Variants in ACO1 observed in about 807,000 individuals in gnomAD.
ACO1 encodes the protein cytoplasmic aconitate hydratase.
ACO1 carries 78 observed loss-of-function variants against 105.1 expected under a neutral mutation model. The observed-to-expected ratio is 0.74, with a 90% CI of 0.62 to 0.90. The LOEUF is 0.90. ACO1 is among the 40% of genes least tolerant of loss of function. The pLI is 0.00. For synonymous variants in ACO1, 364 were observed against 397.4 expected, an observed-to-expected ratio of 0.92 and a Z score of 1.00; for missense variants, 965 against 1,111.1, an observed-to-expected ratio of 0.87 and a Z score of 1.87.
chr9:32,447,917 G>A (rs1043972158), intron 19 of ACO1, among the ~76,000 whole-genome samples: 43 of 152,200 alleles, frequency 2.8e-4, no homozygotes, highest in African/African-American at 9.2e-4. Context: ...AGCAACGATT[G>A]CTGCCTCTTC....
chr9:32,444,368 T>C (rs1822551921), intron 19 of ACO1, among the ~76,000 whole-genome samples: 1 of 152,208 alleles, frequency 6.6e-6, no homozygotes. Context: ...TCAAATGGTA[T>C]TTCTGGTTCT....
At chr9:32,436,418 C>T (rs755496389) in intron 18 of ACO1, 21 bp downstream of exon 18, 64 of 1,610,300 alleles carry the variant, frequency 4.0e-5, no homozygotes, top group South Asian at 2.0e-4. Context: ...TCTTCTGCTT[C>T]CTGCAGACAC....
At position 32,400,531 on chromosome 9, in the gene ACO1, A is replaced by G. The variant is rs188226795; in HGVS notation, c.-22-4954A>G. Among the ~76,000 whole-genome samples, 24 of 152,294 alleles carry G rather than the reference A, an allele frequency of 1.6e-4. 1 individual carries two copies. In the South Asian group the frequency reaches 5.0e-3, roughly 32 times the overall value. On this transcript the variant is annotated intron_variant, in intron 1 of 20. Coordinates refer to ENST00000309951, the MANE Select transcript of ACO1 (RefSeq NM_002197.3). ...ATCAAAGGACATATTGAGGGGAGCA[A>G]AGTGGACTTTATCTGGAGTTATAGT...
intron 3 of ACO1, 122 bp from the exon 4 acceptor site, chr9:32,408,392 C>T: frequency 9.0e-7 from 1 of 1,105,292 alleles, no homozygotes; most frequent in South Asian, 1.6e-5. Flanking sequence ...TAAGTCTCAC[C>T]CATTGTTAGC....
chr9:32,409,687 C>A (rs1487934795), intron 4 of ACO1, among the ~76,000 whole-genome samples: 2 of 152,006 alleles, frequency 1.3e-5, no homozygotes, highest in African/African-American at 4.8e-5. Context: ...CATATCTCTA[C>A]AAATAACTTT....
intron 17 of ACO1, chr9:32,435,937 T>C: frequency 2.0e-6 from 1 of 499,106 alleles, no homozygotes; most frequent in South Asian, 1.6e-5. Flanking sequence ...TATATGAAGC[T>C]TTATAGGCTA....
rs559939992 is a variant in ACO1, at chr9:32,427,529, C to G, written c.1484+93C>G. 1.5e-5 allele frequency: 22 copies of G among 1,496,828 alleles called. No individual in the cohort carries two copies. In the Admixed American group the frequency reaches 3.6e-4, roughly 25 times the overall value. 92.7% of individuals were successfully genotyped at this position (1,496,828 alleles called of 1,614,324 possible). The stretch of plus-strand genomic sequence containing the variant: ...CACCTTGTAACAGATGTGAGATTAT[C>G]TGATGATATCTAATTGCATAGTCGT... On this transcript the variant is annotated intron_variant, in intron 12 of 20. Coordinates refer to ENST00000309951, the MANE Select transcript of ACO1 (RefSeq NM_002197.3).
chr9:32,449,269 T>TTTA (rs150745518), intron 20 of ACO1, among the ~76,000 whole-genome samples, 188 bp downstream of exon 20: 6,466 of 152,208 alleles, frequency 0.042, 426 homozygotes, highest in African/African-American at 0.14. Context: ...TGCCTATGGA[T>TTTA]TTAATTTCTC....
intron 4 of ACO1, among the ~76,000 whole-genome samples, chr9:32,409,860 T>C (rs1378362269): frequency 1.3e-5 from 2 of 152,080 alleles, no homozygotes; most frequent in Non-Finnish European, 2.9e-5. Flanking sequence ...TAAAATGTGT[T>C]ACAAAGAAGA....
At chr9:32,413,098 A>G (rs1425009714) in intron 4 of ACO1, among the ~76,000 whole-genome samples, 4 of 151,966 alleles carry the variant, frequency 2.6e-5, no homozygotes, top group African/African-American at 9.7e-5. Context: ...CATTTACACC[A>G]TGTACTGAAA....
chr9:32,405,388 A>T (rs1821587218), intron 1 of ACO1, 97 bp from the exon 2 acceptor site: 2 of 687,446 alleles, frequency 2.9e-6, no homozygotes, highest in Admixed American at 5.6e-5. Flanking sequence ...AACAATACTA[A>T]AAGAAACATA....
At position 32,454,750 on chromosome 9, in the gene ACO1, T is replaced by C. The variant is rs1822842419; in HGVS notation, c.*4639T>C. 1 of 152,026 alleles carries C rather than the reference T, an allele frequency of 6.6e-6. No individual in the cohort carries two copies. Among genetic ancestry groups the C allele is most frequent in the Non-Finnish European group, 1.5e-5 (1 of 68,020 alleles). 9.4% of individuals were successfully genotyped at this position (152,026 alleles called of 1,614,324 possible). A position where few individuals can be genotyped will look rare whatever the true frequency, so the allele number is the denominator to read the frequency against. ...CATGCCTGGCAATGACATTATTCCA[T>C]TAAAAGTCAAACAAGGAAATGCTAA... On this transcript the variant is annotated 3_prime_UTR_variant, in exon 21 of 21. Coordinates refer to ENST00000309951, the MANE Select transcript of ACO1 (RefSeq NM_002197.3).
intron 12 of ACO1, among the ~76,000 whole-genome samples, chr9:32,428,711 G>A (rs1822156730): frequency 6.6e-6 from 1 of 152,118 alleles, no homozygotes; most frequent in Non-Finnish European, 1.5e-5. Context: ...GGGCGTGGTG[G>A]CGGGCACCTG....
intron 19 of ACO1, among the ~76,000 whole-genome samples, chr9:32,446,565 G>C (rs1315465944): frequency 1.3e-5 from 2 of 152,066 alleles, no homozygotes; most frequent in Non-Finnish European, 2.9e-5. Context: ...TCTTTTAATT[G>C]GGGCATTTAG....
chr9:32,420,932 A>T lies in ACO1; in HGVS notation c.875A>T (p.Asp292Val). 6.2e-7 allele frequency: 1 copy of T among 1,614,066 alleles called. No individual in the cohort carries two copies. The highest frequency in any genetic ancestry group is 8.5e-7 in the Non-Finnish European group (1 of 1,179,974). The change falls in exon 8 of 21, where the codon GAC becomes GTC. Residue 292 changes from aspartate to valine, a missense_variant. Physicochemically the swap from Asp to Val is radical, Grantham distance 152. Transcript: ENST00000309951. ...GGAGTAGCCCAGTTGTCCATTGCTG[A>T]CCGAGCTACGATTGCTAACATGTGT... ...GPGVAQLSIA[D>V]RATIANMCPE...
At chr9:32,400,070 A>G (rs1480124032) in intron 1 of ACO1, among the ~76,000 whole-genome samples, 1 of 139,698 alleles carries the variant, frequency 7.2e-6, no homozygotes, top group Non-Finnish European at 1.5e-5. Context: ...TGCTGGGTTC[A>G]AATAATTCTC....
chr9:32,428,450 A>T (rs1476903917), intron 12 of ACO1, among the ~76,000 whole-genome samples: 1 of 151,938 alleles, frequency 6.6e-6, no homozygotes, highest in East Asian at 1.9e-4. Flanking sequence ...GCCTCCTGGA[A>T]TACTTCCTGA....
At chr9:32,395,648 CAG>C (rs889195828) in intron 1 of ACO1, among the ~76,000 whole-genome samples, 3 of 152,158 alleles carry the variant, frequency 2.0e-5, no homozygotes, top group African/African-American at 7.2e-5. Flanking sequence ...AGGTCAGGCT[CAG>C]GGCCGGGTCA....
At position 32,450,148 on chromosome 9, in the gene ACO1, C is replaced by T. The variant is rs550451413; in HGVS notation, c.*37C>T. 32 of 1,544,414 alleles carry T rather than the reference C, an allele frequency of 2.1e-5. No individual in the cohort carries two copies. Among genetic ancestry groups the T allele is most frequent in the African/African-American group, 8.2e-5 (6 of 73,472 alleles). On this transcript the variant is annotated 3_prime_UTR_variant, in exon 21 of 21. Coordinates refer to ENST00000309951, the MANE Select transcript of ACO1 (RefSeq NM_002197.3). ...TTGGTGCTGCGCCCAGGGAGGAAGC[C>T]GCACCACCAGCCAGCGCAGGCCCTG...
Sources: gnomAD v4.1 joint callset for allele counts (sites outside exome capture counted in the v4.1 genomes callset) on GRCh38, gnomAD v4.1.1 for gene constraint, MANE v1.5 for transcripts, NCBI Gene and HGNC (gene_info 2026-07-23, HGNC 2026-07-21) for gene names.